The following RNF216 variants were observed in gnomAD, a reference collection of about 807,000 sequenced individuals.
The protein encoded by RNF216 is ring finger protein 216.
Under a neutral mutation model 110.8 loss-of-function variants are expected in RNF216, and 72 were observed. That is an observed-to-expected ratio of 0.65 (90% CI 0.54 to 0.79). The LOEUF is 0.79. Ranked by LOEUF, RNF216 falls within the 30% of genes least tolerant of loss-of-function variation. RNF216 has a pLI of 0.00. For missense variants in RNF216, 1,342 were observed against 1,141.2 expected (o/e 1.18, Z -2.54); for synonymous variants, 495 against 407.5 (o/e 1.21, Z -2.59).
chr7:5,718,854 G>A (rs928627882), intron 9 of RNF216, among the ~76,000 whole-genome samples: 12 of 152,140 alleles, frequency 7.9e-5, no homozygotes, highest in African/African-American at 2.9e-4. Context: ...ATCCCACCCG[G>A]CCAAACTTAA....
intron 1 of RNF216, among the ~76,000 whole-genome samples, chr7:5,772,685 A>T (rs1307627069): frequency 6.6e-6 from 1 of 152,178 alleles, no homozygotes; most frequent in Non-Finnish European, 1.5e-5. Flanking sequence ...GTGAAGTTAT[A>T]GATACTATCA....
At chr7:5,704,974 T>C (rs941969228) in intron 13 of RNF216, among the ~76,000 whole-genome samples, 4 of 152,218 alleles carry the variant, frequency 2.6e-5, no homozygotes, top group East Asian at 3.8e-4. Context: ...CTGCAAAACG[T>C]TGCTGAGGGG....
intron 1 of RNF216, among the ~76,000 whole-genome samples, chr7:5,765,722 T>G (rs1584605255): frequency 6.7e-6 from 1 of 149,826 alleles, no homozygotes; most frequent in African/African-American, 2.5e-5. Flanking sequence ...GCGGGCAGAC[T>G]GCCTGAGCTC....
chr7:5,688,676 C>G (rs1791136680), intron 13 of RNF216, among the ~76,000 whole-genome samples: 1 of 152,202 alleles, frequency 6.6e-6, no homozygotes, highest in East Asian at 1.9e-4. Context: ...ACACATCTGA[C>G]AGTGTATCTT....
chr7:5,775,699 T>C (rs1428841587), intron 1 of RNF216, among the ~76,000 whole-genome samples: 3 of 152,062 alleles, frequency 2.0e-5, no homozygotes, highest in South Asian at 4.2e-4. Context: ...GTAAAACCTG[T>C]CTCTACTAAA....
intron 15 of RNF216, among the ~76,000 whole-genome samples, chr7:5,638,721 T>C (rs928979509): frequency 2.0e-5 from 3 of 150,968 alleles, no homozygotes; most frequent in Non-Finnish European, 4.4e-5. Flanking sequence ...CACTGCAGCC[T>C]TGACCTCCCA....
rs981218480 is a variant in RNF216, at chr7:5,632,471, C to A, written c.2383-8346G>T. Among the ~76,000 whole-genome samples the A allele has an allele frequency of 2.0e-4, 31 of 152,212 alleles. 1 individual carries two copies. The highest frequency in any genetic ancestry group is 5.9e-5 in the Non-Finnish European group (4 of 68,050). The stretch of plus-strand genomic sequence containing the variant: ...GTGAGAGGGAGTGGATGCTGATCAG[C>A]GACCAAGGTGTCCCTGGATCAGCAA... On this transcript the variant is annotated intron_variant, in intron 15 of 16. Coordinates refer to ENST00000389902, the MANE Select transcript of RNF216 (RefSeq NM_207111.4).
At chr7:5,762,348 C>A (rs1225237187) in intron 1 of RNF216, among the ~76,000 whole-genome samples, 1 of 151,706 alleles carries the variant, frequency 6.6e-6, no homozygotes, top group Non-Finnish European at 1.5e-5. Context: ...CATGGTGAAA[C>A]CCCATCTCTA....
chr7:5,726,678 C>T (rs1255339956), intron 7 of RNF216, among the ~76,000 whole-genome samples: 1 of 151,944 alleles, frequency 6.6e-6, no homozygotes, highest in African/African-American at 2.4e-5. Context: ...GACAACATGG[C>T]AAAACCCCGT....
chr7:5,746,807 T>C (rs1046483750), intron 3 of RNF216, among the ~76,000 whole-genome samples: 12 of 152,198 alleles, frequency 7.9e-5, no homozygotes, highest in African/African-American at 2.2e-4. Context: ...TTCAGAATTA[T>C]GATGACCATG....
intron 1 of RNF216, among the ~76,000 whole-genome samples, chr7:5,769,302 G>A (rs935818248): frequency 6.6e-6 from 1 of 152,038 alleles, no homozygotes; most frequent in African/African-American, 2.4e-5. Flanking sequence ...ATTTTTAGTA[G>A]AGAAGGGGTT....
chr7:5,714,190 T>TA (rs1792897153), intron 11 of RNF216, among the ~76,000 whole-genome samples: 1 of 152,132 alleles, frequency 6.6e-6, no homozygotes, highest in African/African-American at 2.4e-5. Flanking sequence ...CTCGAACTCC[T>TA]AATCTTGTGA....
At position 5,641,142 on chromosome 7, in the gene RNF216, G is replaced by T; in HGVS notation, c.2382+12C>A. 1 of 1,580,670 alleles carries T rather than the reference G, an allele frequency of 6.3e-7. No homozygotes were observed. On this transcript the variant is annotated intron_variant, in intron 15 of 16. Coordinates refer to ENST00000389902, the MANE Select transcript of RNF216 (RefSeq NM_207111.4). ...TCCCTATAAAGCAATAGGCAGCCAT[G>T]TGTCTACTTACAGTGGGATCGGTCC...
At chr7:5,678,266 C>T (rs530371611) in intron 13 of RNF216, among the ~76,000 whole-genome samples, 7 of 152,326 alleles carry the variant, frequency 4.6e-5, no homozygotes, top group Middle Eastern at 6.8e-3. Context: ...GAAAAATCTT[C>T]CCATTTTACT....
At chr7:5,774,058 G>A (rs575192174) in intron 1 of RNF216, among the ~76,000 whole-genome samples, 6 of 152,126 alleles carry the variant, frequency 3.9e-5, no homozygotes, top group Non-Finnish European at 8.8e-5. Flanking sequence ...CCTGTGAGAA[G>A]AAAAGAATTC....
chr7:5,653,240 C>T (rs1180664228), intron 13 of RNF216, among the ~76,000 whole-genome samples: 2 of 152,050 alleles, frequency 1.3e-5, no homozygotes, highest in Non-Finnish European at 2.9e-5. Flanking sequence ...ATTCTAGGAT[C>T]CTTCATAGTT....
intron 1 of RNF216, among the ~76,000 whole-genome samples, chr7:5,764,424 G>C (rs189250574): frequency 8.2e-4 from 125 of 152,152 alleles, no homozygotes; most frequent in African/African-American, 2.9e-3. Context: ...GAGGAGAGCG[G>C]ATCACTTGAA....
At chr7:5,650,768 G>A (rs1042887814) in intron 14 of RNF216, among the ~76,000 whole-genome samples, 6 of 152,042 alleles carry the variant, frequency 3.9e-5, no homozygotes, top group Non-Finnish European at 7.4e-5. Context: ...GGGTCTACTC[G>A]GATAATCCAG....
intron 3 of RNF216, among the ~76,000 whole-genome samples, chr7:5,752,541 T>TG (rs1409547804): frequency 6.6e-6 from 1 of 152,076 alleles, no homozygotes; most frequent in Non-Finnish European, 1.5e-5. Context: ...TCTGAAAAAA[T>TG]GTGGGATAAT....
Sources: allele counts gnomAD v4.1 joint callset (sites outside exome capture counted in the v4.1 genomes callset), GRCh38; gene constraint gnomAD v4.1.1; transcripts MANE v1.5; gene names NCBI Gene and HGNC (gene_info 2026-07-23, HGNC 2026-07-21).